TAPT1: variants seen among roughly 807,000 people sequenced by gnomAD.
TAPT1 encodes transmembrane anterior posterior transformation 1, also known as transmembrane anterior posterior transformation protein 1 homolog.
TAPT1 carries 28 observed loss-of-function variants against 65.6 expected under a neutral mutation model. The ratio of observed to expected loss-of-function variants is 0.43; its 90% CI spans 0.32 to 0.59. TAPT1 has a LOEUF of 0.59. Ranked by LOEUF, TAPT1 falls within the 20% of genes least tolerant of loss-of-function variation. The probability of loss-of-function intolerance (pLI) is 0.09; values close to 1 mark genes in which losing one functional copy is unlikely to be tolerated. For missense variants in TAPT1, 563 were observed against 679.9 expected (o/e 0.83, Z 1.91); for synonymous variants, 278 against 245.2 (o/e 1.13, Z -1.25).
intron 11 of TAPT1, among the ~76,000 whole-genome samples, chr4:16,171,964 CTTAA>C (rs1228922588): frequency 6.6e-6 from 1 of 152,014 alleles, no homozygotes; most frequent in Non-Finnish European, 1.5e-5. Flanking sequence ...ATCCTTGTGC[CTTAA>C]TTAAAGAATT....
At position 16,162,665 on chromosome 4, in the gene TAPT1, CTTCA is replaced by C. The variant is rs141367268; in HGVS notation, c.*639_*642del. The C allele has an allele frequency of 0.043, 6,696 of 156,984 alleles. 244 individuals carry two copies. The highest frequency in any genetic ancestry group is 0.091 in the African/African-American group (3,722 of 41,002). 9.7% of individuals were successfully genotyped at this position (156,984 alleles called of 1,614,324 possible). On this transcript the variant is annotated 3_prime_UTR_variant, in exon 14 of 14. Transcript: ENST00000405303. ...AGGATTTTTCCCAGTAATGCATAGC[CTTCA>C]TTAATTATTTTTTTAATAAATAAAC...
At chr4:16,196,135 T>C (rs1259672042) in intron 3 of TAPT1, among the ~76,000 whole-genome samples, 7 of 152,194 alleles carry the variant, frequency 4.6e-5, no homozygotes, top group African/African-American at 1.7e-4. Context: ...TAAACTGGAA[T>C]AAAGTAGTGA....
At chr4:16,177,497 G>A (rs1748410170) in intron 8 of TAPT1, among the ~76,000 whole-genome samples, 1 of 152,178 alleles carries the variant, frequency 6.6e-6, no homozygotes, top group Admixed American at 6.5e-5. Context: ...GACAGCTTCT[G>A]TGAGTCTGGC....
At chr4:16,167,987 GAA>G (rs1747750094) in intron 12 of TAPT1, among the ~76,000 whole-genome samples, 1 of 152,010 alleles carries the variant, frequency 6.6e-6, no homozygotes, top group African/African-American at 2.4e-5. Flanking sequence ...TATGACTACA[GAA>G]ATAAAATTTC....
intron 7 of TAPT1, 118 bp downstream of exon 7, chr4:16,186,417 T>C: frequency 3.2e-6 from 2 of 632,040 alleles, no homozygotes; most frequent in Non-Finnish European, 5.5e-6. Flanking sequence ...GTTGATAGCA[T>C]AAGAGAAGGT....
chr4:16,167,349 T>C (rs1747708265), intron 12 of TAPT1, among the ~76,000 whole-genome samples: 1 of 152,182 alleles, frequency 6.6e-6, no homozygotes, highest in Non-Finnish European at 1.5e-5. Flanking sequence ...TATTAAATAT[T>C]ATAACATTTA....
At position 16,174,704 on chromosome 4, in the gene TAPT1, A is replaced by G; in HGVS notation, c.1133T>C (p.Leu378Pro). ...TCGGCTGCTAACAAGGTCAAAAGCA[A>G]GACTGGCTCTATATTCACTGTAGAC... ...ADVYSEYRAS[L>P]AFDLVSSRQK... The change falls in exon 10 of 14, where the codon CTT becomes CCT. Residue 378 changes from leucine to proline, a missense_variant. By Grantham distance (98) the Leu-to-Pro change is moderately conservative. This residue lies in a region of TAPT1 where 104 missense variants were observed against 102.5 expected (regional missense o/e 1.01). Coordinates refer to ENST00000405303, the MANE Select transcript of TAPT1 (RefSeq NM_153365.3). 6.3e-7 allele frequency: 1 copy of G among 1,593,686 alleles called. No homozygotes were observed. Among genetic ancestry groups the G allele is most frequent in the Non-Finnish European group, 8.6e-7 (1 of 1,169,390 alleles).
In TAPT1 at chr4:16,163,427, T is replaced by C; in HGVS notation, c.1585A>G (p.Thr529Ala). 6.2e-7 allele frequency: 1 copy of C among 1,613,934 alleles called. No homozygotes were observed. Among genetic ancestry groups the C allele is most frequent in the Non-Finnish European group, 8.5e-7 (1 of 1,179,860 alleles). The stretch of plus-strand genomic sequence containing the variant: ...ATGTCCTTCTCGTCACCATCTGGAG[T>C]TGTCAAAAACTGATCAGAATTGCTT... ...VTSNSDQFLT[T>A]PDGDEKDITQ... The change falls in exon 14 of 14, where the codon ACT becomes GCT. Residue 529 changes from threonine to alanine, a missense_variant. Around this residue, in one of 5 missense-constraint regions of TAPT1, gnomAD observed 136 missense variants for 153.9 expected, o/e 0.88. Transcript: ENST00000405303.
At chr4:16,180,149 TACA>T (rs1748627443) in intron 7 of TAPT1, among the ~76,000 whole-genome samples, 1 of 152,184 alleles carries the variant, frequency 6.6e-6, no homozygotes, top group South Asian at 2.1e-4. Context: ...ATCCTGCTAC[TACA>T]ATAGCATTTC....
intron 3 of TAPT1, among the ~76,000 whole-genome samples, chr4:16,192,435 C>T (rs1409440300): frequency 1.3e-5 from 2 of 152,262 alleles, no homozygotes; most frequent in East Asian, 3.9e-4. Context: ...GTTTATAGGA[C>T]AGCTTTTGTA....
chr4:16,201,071 G>A (rs1749999026), intron 3 of TAPT1, among the ~76,000 whole-genome samples: 1 of 152,126 alleles, frequency 6.6e-6, no homozygotes, highest in Admixed American at 6.5e-5. Flanking sequence ...ACAATGACAG[G>A]AGCTGAATTT....
chr4:16,211,590 CA>C (rs1486941331), intron 2 of TAPT1, among the ~76,000 whole-genome samples: 1 of 152,098 alleles, frequency 6.6e-6, no homozygotes, highest in Non-Finnish European at 1.5e-5. Context: ...CAAATTTTCC[CA>C]AACAGGCCTA....
Position 16,209,136 on chromosome 4 carries a change from T to C in TAPT1, c.330+4632A>G, listed in dbSNP as rs75498342. On this transcript the variant is annotated intron_variant, in intron 2 of 13. Coordinates refer to ENST00000405303, the MANE Select transcript of TAPT1 (RefSeq NM_153365.3). ...TGGTTTCCTGTTCACACCTAACAAT[T>C]TTCCACCTCTGGATCTTCCTAGCAT... is the stretch of plus-strand genomic sequence containing the variant. 1.1e-3 allele frequency among the ~76,000 whole-genome samples: 166 copies of C among 152,264 alleles called. 2 individuals are homozygous for C. The East Asian group carries it at 0.024, about 22-fold the overall frequency.
chr4:16,197,743 G>A (rs756788780), intron 3 of TAPT1, among the ~76,000 whole-genome samples: 42 of 152,120 alleles, frequency 2.8e-4, no homozygotes, highest in Middle Eastern at 3.4e-3. Context: ...GATTATCCTC[G>A]TTCAAGAAGT....
chr4:16,225,800 A>G, intron 1 of TAPT1: 1 of 830,060 alleles, frequency 1.2e-6, no homozygotes, highest in South Asian at 5.5e-5. Context: ...TGTCTGTGAA[A>G]AATCTACTTG....
chr4:16,171,672 C>T (rs1372334467), intron 11 of TAPT1, among the ~76,000 whole-genome samples: 3 of 152,134 alleles, frequency 2.0e-5, no homozygotes, highest in Non-Finnish European at 4.4e-5. Flanking sequence ...AGAAAAGTGA[C>T]AATGGAAGCC....
intron 7 of TAPT1, among the ~76,000 whole-genome samples, chr4:16,181,008 C>T (rs925270070): frequency 3.9e-5 from 6 of 152,200 alleles, no homozygotes; most frequent in Non-Finnish European, 7.4e-5. Flanking sequence ...TTCAGGTGCA[C>T]CTGTTTTGAT....
intron 11 of TAPT1, among the ~76,000 whole-genome samples, chr4:16,173,999 G>A (rs1012964853): frequency 2.0e-5 from 3 of 152,122 alleles, no homozygotes; most frequent in East Asian, 1.9e-4. Flanking sequence ...ACAGCTAAGC[G>A]TCACTCATCT....
At chr4:16,170,595 T>G in intron 12 of TAPT1, 58 bp downstream of exon 12, 1 of 1,309,204 alleles carries the variant, frequency 7.6e-7, no homozygotes, top group Non-Finnish European at 1.1e-6. Flanking sequence ...TAACTTCCAT[T>G]ACATCTTGCA....
Sources: gnomAD v4.1 joint callset for allele counts (sites outside exome capture counted in the v4.1 genomes callset) on GRCh38, gnomAD v4.1.1 for gene constraint, gnomAD v4.1.1 regional missense constraint, MANE v1.5 for transcripts, NCBI Gene and HGNC (gene_info 2026-07-23, HGNC 2026-07-21) for gene names.